The following CAMTA1 variants were observed in gnomAD, a reference collection of about 807,000 sequenced individuals.
The protein encoded by CAMTA1 is calmodulin-binding transcription activator 1.
CAMTA1 carries 27 observed loss-of-function variants against 170.9 expected under a neutral mutation model. That is an observed-to-expected ratio of 0.16 (90% CI 0.12 to 0.22). The LOEUF (loss-of-function observed/expected upper bound fraction) is 0.22, where lower values mean the gene tolerates loss of function less well. Ranked by LOEUF, CAMTA1 falls within the 10% of genes least tolerant of loss-of-function variation. The probability of loss-of-function intolerance (pLI) is 1.00; values close to 1 mark genes in which losing one functional copy is unlikely to be tolerated. For synonymous variants in CAMTA1, 833 were observed against 891.5 expected (o/e 0.93, Z 1.17); for missense variants, 1,619 against 2,217.2 (o/e 0.73, Z 5.42).
chr1:7,410,183 T>C (rs547090783), intron 5 of CAMTA1, among the ~76,000 whole-genome samples: 78 of 152,346 alleles, frequency 5.1e-4, no homozygotes, highest in Non-Finnish European at 9.6e-4. Flanking sequence ...TAAGGCAGAA[T>C]TGGAAAAGGA....
At chr1:6,860,124 C>T (rs913446189) in intron 3 of CAMTA1, among the ~76,000 whole-genome samples, 4 of 151,880 alleles carry the variant, frequency 2.6e-5, no homozygotes, top group Non-Finnish European at 5.9e-5. Flanking sequence ...ATATTTCTCC[C>T]TTTAGTCATC....
At chr1:6,944,635 C>T (rs936213793) in intron 3 of CAMTA1, among the ~76,000 whole-genome samples, 3 of 152,188 alleles carry the variant, frequency 2.0e-5, no homozygotes, top group Non-Finnish European at 2.9e-5. Context: ...CCACCTGCCC[C>T]GGTCTCCCTG....
rs1558271540 is a variant in CAMTA1, at chr1:7,224,805, C to T, written c.303-24686C>T. On this transcript the variant is annotated intron_variant, in intron 4 of 22. Coordinates refer to ENST00000303635, the MANE Select transcript of CAMTA1 (RefSeq NM_015215.4). The surrounding 1 kb of genome is among the most constrained non-coding windows in gnomAD (Gnocchi z 5.2). ...CCAGGGCCCTGCTCCGTAGCTGCTCCATGTCGTCTGGATGGTCCGTTGGCA... is the reference window on the plus strand; with the variant it reads ...CCAGGGCCCTGCTCCGTAGCTGCTCTATGTCGTCTGGATGGTCCGTTGGCA... Among the ~76,000 whole-genome samples, 2 of 146,428 alleles carry T rather than the reference C, an allele frequency of 1.4e-5. No individual in the cohort carries two copies. Among genetic ancestry groups the T allele is most frequent in the Non-Finnish European group, 1.5e-5 (1 of 68,028 alleles).
chr1:7,059,251 A>G (rs1707844511), intron 3 of CAMTA1, among the ~76,000 whole-genome samples: 1 of 152,200 alleles, frequency 6.6e-6, no homozygotes, highest in South Asian at 2.1e-4. Flanking sequence ...AGAATGGTTC[A>G]TTAAAATAAT....
At chr1:7,201,794 T>C (rs1656753289) in intron 4 of CAMTA1, among the ~76,000 whole-genome samples, 2 of 152,166 alleles carry the variant, frequency 1.3e-5, no homozygotes, top group African/African-American at 4.8e-5. Context: ...ACATAAGTTC[T>C]TTATCAGATA....
At position 7,435,700 on chromosome 1, in the gene CAMTA1, G is replaced by A. The variant is rs1272605053; in HGVS notation, c.439-32130G>A. On this transcript the variant is annotated intron_variant, in intron 5 of 22. Transcript: ENST00000303635. The surrounding 1 kb of genome is among the most constrained non-coding windows in gnomAD (Gnocchi z 4.4). ...TGGCCGCCGTTCTCATGGCTGAAGG[G>A]TACTCAGTTCCTATAGCCCGATCAT... Among the ~76,000 whole-genome samples the A allele has an allele frequency of 2.0e-5, 3 of 152,140 alleles. No individual in the cohort carries two copies. The highest frequency in any genetic ancestry group is 2.0e-4 in the Admixed American group (3 of 15,276).
rs1054272094 is a variant in CAMTA1 at position 7,633,204 on chromosome 1, T to C, written c.511-7196T>C. The stretch of plus-strand genomic sequence containing the variant: ...CATCTAGAAAAGGTTCTCAAAGAGA[T>C]TGACTCTACCTCAGGCTCCCGGGAG... On this transcript the variant is annotated intron_variant, in intron 6 of 22. Coordinates refer to ENST00000303635, the MANE Select transcript of CAMTA1 (RefSeq NM_015215.4). This position sits in a 1 kb window ranked among gnomAD's most constrained non-coding sequence, Gnocchi z 4.1. Among the ~76,000 whole-genome samples the C allele has an allele frequency of 7.9e-5, 12 of 152,214 alleles. No individual in the cohort carries two copies. The highest frequency in any genetic ancestry group is 2.9e-4 in the African/African-American group (12 of 41,460).
intron 5 of CAMTA1, among the ~76,000 whole-genome samples, chr1:7,279,981 G>T (rs1295270424): frequency 6.6e-6 from 1 of 152,218 alleles, no homozygotes; most frequent in Non-Finnish European, 1.5e-5. Context: ...CAGGTCCAGA[G>T]CGGGAGGGAG....
Position 7,144,881 on chromosome 1 carries a change from C to T in CAMTA1, c.302+53510C>T, listed in dbSNP as rs1646094891. Among the ~76,000 whole-genome samples the T allele has an allele frequency of 6.6e-6, 1 of 152,256 alleles. No homozygotes were observed. Among genetic ancestry groups the T allele is most frequent in the Non-Finnish European group, 1.5e-5 (1 of 68,052 alleles). On this transcript the variant is annotated intron_variant, in intron 4 of 22. Coordinates refer to ENST00000303635, the MANE Select transcript of CAMTA1 (RefSeq NM_015215.4). This position sits in a 1 kb window ranked among gnomAD's most constrained non-coding sequence, Gnocchi z 4.0. ...CAACTTTAAGCTGGTCATTTGTCCTCCACAACTACCTGGTGAGGCAGCACT... is the reference window on the plus strand; with the variant it reads ...CAACTTTAAGCTGGTCATTTGTCCTTCACAACTACCTGGTGAGGCAGCACT...
At chr1:7,515,639 A>T (rs777915260) in intron 6 of CAMTA1, among the ~76,000 whole-genome samples, 70 of 151,980 alleles carry the variant, frequency 4.6e-4, no homozygotes, top group Non-Finnish European at 5.7e-4. Context: ...CGGGCAGCTC[A>T]TCTCGGAGCG....
chr1:7,028,598 A>G (rs1449370743), intron 3 of CAMTA1, among the ~76,000 whole-genome samples: 1 of 152,174 alleles, frequency 6.6e-6, no homozygotes, highest in Non-Finnish European at 1.5e-5. Flanking sequence ...TCTGATCATC[A>G]TAACTCTTGG....
intron 4 of CAMTA1, among the ~76,000 whole-genome samples, chr1:7,106,341 G>T (rs1048569948): frequency 4.6e-5 from 7 of 151,962 alleles, no homozygotes; most frequent in Non-Finnish European, 8.8e-5. Flanking sequence ...AATAGAGGAA[G>T]AAGAGGGAGC....
chr1:6,792,056 C>T (rs1029567615), intron 1 of CAMTA1, among the ~76,000 whole-genome samples: 5 of 151,790 alleles, frequency 3.3e-5, no homozygotes, highest in Non-Finnish European at 5.9e-5. Context: ...CAGGTTCAAG[C>T]GATTGTCCTG....
intron 3 of CAMTA1, among the ~76,000 whole-genome samples, chr1:6,995,501 A>C (rs1697117081): frequency 6.6e-6 from 1 of 151,538 alleles, no homozygotes; most frequent in Admixed American, 6.6e-5. Flanking sequence ...ACGAGGCTTC[A>C]CCATTTTGGC....
intron 4 of CAMTA1, among the ~76,000 whole-genome samples, chr1:7,133,414 G>A (rs1645372920): frequency 6.6e-6 from 1 of 152,092 alleles, no homozygotes; most frequent in South Asian, 2.1e-4. Flanking sequence ...TGCAATAACT[G>A]TAGAATGTAC....
At chr1:7,069,733 G>A (rs1206284849) in intron 3 of CAMTA1, among the ~76,000 whole-genome samples, 1 of 152,134 alleles carries the variant, frequency 6.6e-6, no homozygotes, top group Admixed American at 6.5e-5. Context: ...GGAGCTGGTA[G>A]CGAGGGCTTG....
At chr1:6,963,490 C>T (rs1054869647) in intron 3 of CAMTA1, among the ~76,000 whole-genome samples, 14 of 152,216 alleles carry the variant, frequency 9.2e-5, no homozygotes, top group Admixed American at 7.2e-4. Flanking sequence ...AAACCCTGTT[C>T]TTCAGGGGGT....
intron 3 of CAMTA1, among the ~76,000 whole-genome samples, chr1:6,953,154 A>C (rs1472458541): frequency 6.6e-6 from 1 of 152,218 alleles, no homozygotes; most frequent in Non-Finnish European, 1.5e-5. Context: ...CCCGTCCTGC[A>C]TCTGTCCCGT....
intron 6 of CAMTA1, among the ~76,000 whole-genome samples, chr1:7,508,590 GC>G (rs1161022494): frequency 6.6e-6 from 1 of 152,192 alleles, no homozygotes; most frequent in Non-Finnish European, 1.5e-5. Flanking sequence ...CCAGCACTGT[GC>G]CTGGCTCAGG....
Sources: allele counts gnomAD v4.1 joint callset (sites outside exome capture counted in the v4.1 genomes callset), GRCh38; gene constraint gnomAD v4.1.1; non-coding constraint Gnocchi (gnomAD v3.1); transcripts MANE v1.5; gene names NCBI Gene and HGNC (gene_info 2026-07-23, HGNC 2026-07-21).